GCC2: variants seen among roughly 807,000 people sequenced by gnomAD.
The protein encoded by GCC2 is GRIP and coiled-coil domain containing 2, also known as GRIP and coiled-coil domain-containing protein 2.
In GCC2, 120 loss-of-function variants were observed where a neutral mutation model predicts 210.6. That is an observed-to-expected ratio of 0.57 (90% CI 0.49 to 0.66). The LOEUF (loss-of-function observed/expected upper bound fraction) is 0.66, where lower values mean the gene tolerates loss of function less well. Among genes scored for constraint, GCC2 ranks in the 30% least tolerant of loss-of-function variants. The pLI is 0.00. For missense variants in GCC2, 1,868 were observed against 1,871.9 expected, an observed-to-expected ratio of 1.00 and a Z score of 0.04; for synonymous variants, 703 against 652.7, an observed-to-expected ratio of 1.08 and a Z score of -1.17.
chr2:108,483,878 G>A (rs562077241), intron 12 of GCC2, among the ~76,000 whole-genome samples: 7 of 152,104 alleles, frequency 4.6e-5, no homozygotes, highest in Non-Finnish European at 7.4e-5. Flanking sequence ...TAAGAGCTCC[G>A]CAAGCTACAG....
In GCC2 at chr2:108,495,255, C is replaced by A. The variant is rs574892435; in HGVS notation, c.4448-36C>A. On this transcript the variant is annotated intron_variant, in intron 19 of 22. Transcript: ENST00000309863. ...TAAGGCCAAATCAATAGATTTTGAACAATCTCACACTTAACCTTTTAAAAA... is the reference window on the plus strand; with the variant it reads ...TAAGGCCAAATCAATAGATTTTGAAAAATCTCACACTTAACCTTTTAAAAA... 364 of 1,360,508 alleles carry A rather than the reference C, an allele frequency of 2.7e-4. 4 individuals carry two copies. In the South Asian group the frequency reaches 3.9e-3, roughly 15 times the overall value. The allele number at this position is 1,360,508 out of a possible 1,614,324, so 84.3% of individuals were successfully genotyped here. A position where few individuals can be genotyped will look rare whatever the true frequency, so the allele number is the denominator to read the frequency against.
chr2:108,493,877 C>T lies in GCC2; in HGVS notation c.4447+1087C>T, dbSNP rs181132250. ...GAATAAGCAGTCAGCTTACCAGAAA[C>T]CCAGGAAAAAGCTTCAAAAAGGGCA... On this transcript the variant is annotated intron_variant, in intron 19 of 22. Coordinates refer to ENST00000309863, the MANE Select transcript of GCC2 (RefSeq NM_181453.4). 6.1e-6 allele frequency: 6 copies of T among 985,158 alleles called. No homozygotes were observed. The Admixed American group carries it at 1.8e-4, about 30-fold the overall frequency. 61.0% of individuals were successfully genotyped at this position (985,158 alleles called of 1,614,324 possible). A position where few individuals can be genotyped will look rare whatever the true frequency, so the allele number is the denominator to read the frequency against.
At chr2:108,478,566 G>A (rs1322160838) in intron 9 of GCC2, among the ~76,000 whole-genome samples, 1 of 152,198 alleles carries the variant, frequency 6.6e-6, no homozygotes, top group Non-Finnish European at 1.5e-5. Flanking sequence ...TTATTCAGAT[G>A]TTTAGAAGCG....
At chr2:108,480,288 G>C (rs1341305444) in intron 9 of GCC2, among the ~76,000 whole-genome samples, 3 of 152,080 alleles carry the variant, frequency 2.0e-5, no homozygotes, top group Non-Finnish European at 4.4e-5. Flanking sequence ...CAGAGAAAAA[G>C]GAACACTTAC....
rs550647621 is a variant in GCC2, at chr2:108,489,947, A to G, written c.4162A>G (p.Thr1388Ala). 64 of 1,612,514 alleles carry G rather than the reference A, an allele frequency of 4.0e-5. No individual in the cohort carries two copies. In the South Asian group the frequency reaches 6.6e-4, roughly 17 times the overall value. Reference sequence around the variant, plus strand: ...TCAAACATTGCAGTCTGAACATGATACACTGCTAGAAAGGCACAACAAGAT... The same window carrying G: ...TCAAACATTGCAGTCTGAACATGATGCACTGCTAGAAAGGCACAACAAGAT... ...ELQTLQSEHD[T>A]LLERHNKMLQ... is the part of the protein sequence containing the mutation. The change falls in exon 18 of 23, where the codon ACA becomes GCA. Residue 1388 changes from threonine (T) to alanine (A), a missense_variant. Transcript: ENST00000309863.
chr2:108,480,918 TA>T (rs1228189746), intron 9 of GCC2, among the ~76,000 whole-genome samples: 1 of 152,176 alleles, frequency 6.6e-6, no homozygotes, highest in Non-Finnish European at 1.5e-5. Context: ...AAAAATTTTT[TA>T]AAAACACCAT....
At position 108,485,689 on chromosome 2, in the gene GCC2, C is replaced by A; in HGVS notation, c.3667C>A (p.Gln1223Lys). 6.3e-7 allele frequency: 1 copy of A among 1,597,520 alleles called. No homozygotes were observed. Among genetic ancestry groups the A allele is most frequent in the Non-Finnish European group, 8.5e-7 (1 of 1,173,174 alleles). ...QYEEKNTKIK[Q>K]LLVKTKKELA... ...TGAAGAAAAAAACACCAAAATCAAG[C>A]AATTGCTTGTGAAAACCAAAAAGGA... is the stretch of plus-strand genomic sequence containing the variant. Residue 1223 changes from glutamine (Q) to lysine (K), a missense_variant, in exon 14 of 23, where the codon CAA becomes AAA. Transcript: ENST00000309863.
Position 108,492,690 on chromosome 2 carries a change from T to C in GCC2, c.4347T>C (p.His1449=), listed in dbSNP as rs1682465647. The change falls in exon 19 of 23, where the codon CAT becomes CAC. Residue 1449 remains histidine, a synonymous_variant. Transcript: ENST00000309863. ...ATAGCTTCCGAGATCAAGTGCGACA[T>C]TTGCAGGAAGAACACAGAAAGACAG... ...LRNSFRDQVR[H]LQEEHRKTVE... The C allele has an allele frequency of 6.2e-7, 1 of 1,613,956 alleles. No individual in the cohort carries two copies. The highest frequency in any genetic ancestry group is 1.3e-5 in the African/African-American group (1 of 75,028).
At chr2:108,493,914 G>C (rs1451682125) in intron 19 of GCC2, 11 of 985,214 alleles carry the variant, frequency 1.1e-5, no homozygotes, top group Non-Finnish European at 1.3e-5. Context: ...TCAGGACTAA[G>C]GCAACTTAAT....
rs1478987582 is a variant in GCC2, at chr2:108,508,736, G to C, written c.*1106G>C. 1.3e-5 allele frequency: 2 copies of C among 152,540 alleles called. No individual in the cohort carries two copies. Among genetic ancestry groups the C allele is most frequent in the Admixed American group, 1.3e-4 (2 of 15,250 alleles). The allele number at this position is 152,540 out of a possible 1,614,324, so 9.4% of individuals were successfully genotyped here. A position where few individuals can be genotyped will look rare whatever the true frequency, so the allele number is the denominator to read the frequency against. On this transcript the variant is annotated 3_prime_UTR_variant, in exon 23 of 23. Coordinates refer to ENST00000309863, the MANE Select transcript of GCC2 (RefSeq NM_181453.4). Reference sequence around the variant, plus strand: ...GTCACAGTTCCTCCGAATAACCTTAGGTGGTAGTGTTACTTGCCTTTGACA... The same window carrying C: ...GTCACAGTTCCTCCGAATAACCTTACGTGGTAGTGTTACTTGCCTTTGACA...
chr2:108,486,044 A>G, intron 15 of GCC2, 136 bp downstream of exon 15: 1 of 568,316 alleles, frequency 1.8e-6, no homozygotes. Context: ...ACAACAATAA[A>G]TCAAGTCTGG....
intron 4 of GCC2, among the ~76,000 whole-genome samples, chr2:108,455,089 C>T (rs1680184596): frequency 6.6e-6 from 1 of 151,990 alleles, no homozygotes; most frequent in Non-Finnish European, 1.5e-5. Context: ...CTGCTGTTTC[C>T]TCCTTATCAC....
chr2:108,480,623 C>T (rs1681802615), intron 9 of GCC2, among the ~76,000 whole-genome samples: 1 of 152,084 alleles, frequency 6.6e-6, no homozygotes, highest in South Asian at 2.1e-4. Flanking sequence ...AGCTGGAAGC[C>T]ACTATCCTTA....
At chr2:108,499,135 G>C (rs995442286) in intron 21 of GCC2, among the ~76,000 whole-genome samples, 1 of 143,408 alleles carries the variant, frequency 7.0e-6, no homozygotes, top group African/African-American at 2.6e-5. Context: ...CTCTTCATCT[G>C]TTTCTCGTGA....
At chr2:108,469,453 A>G (rs912603489) in intron 5 of GCC2, 198 bp from the exon 6 acceptor site, 6 of 501,798 alleles carry the variant, frequency 1.2e-5, no homozygotes, top group South Asian at 1.0e-4. Flanking sequence ...TAGATTTAAT[A>G]TTGTAGATAT....
At chr2:108,485,276 C>T (rs1050859557) in intron 13 of GCC2, among the ~76,000 whole-genome samples, 1 of 149,422 alleles carries the variant, frequency 6.7e-6, no homozygotes, top group Non-Finnish European at 1.5e-5. Context: ...ACATATGTAA[C>T]TAACCTGCAC....
At chr2:108,459,380 A>G (rs554347751) in intron 4 of GCC2, among the ~76,000 whole-genome samples, 1 of 152,302 alleles carries the variant, frequency 6.6e-6, no homozygotes, top group Non-Finnish European at 1.5e-5. Flanking sequence ...ATTTGTTGAA[A>G]ATGATTTTGT....
chr2:108,501,481 C>T lies in GCC2; in HGVS notation c.4984+1727C>T, dbSNP rs141075922. ...AGTTGGGTGGGATGGTGGACAAAAA[C>T]ACATCATAGATGGTATTGTGTGCTT... is the stretch of plus-strand genomic sequence containing the variant. On this transcript the variant is annotated intron_variant, in intron 22 of 22. Coordinates refer to ENST00000309863, the MANE Select transcript of GCC2 (RefSeq NM_181453.4). 7.3e-3 allele frequency among the ~76,000 whole-genome samples: 1,117 copies of T among 152,098 alleles called. 6 individuals are homozygous for T. Among genetic ancestry groups the T allele is most frequent in the South Asian group, 0.019 (91 of 4,808 alleles).
chr2:108,485,926 T>C lies in GCC2; in HGVS notation c.3792+18T>C, dbSNP rs777578825. The C allele has an allele frequency of 2.2e-6, 3 of 1,387,972 alleles. No homozygotes were observed. Among genetic ancestry groups the C allele is most frequent in the Non-Finnish European group, 3.0e-6 (3 of 1,007,550 alleles). The allele number at this position is 1,387,972 out of a possible 1,614,324, so 86.0% of individuals were successfully genotyped here. ...TCTATAAAGTAAGGGTTTTACTTTT[T>C]AAGATTAAAAAAATGTTTTTTCATG... On this transcript the variant is annotated intron_variant, in intron 15 of 22. Coordinates refer to ENST00000309863, the MANE Select transcript of GCC2 (RefSeq NM_181453.4).
Sources: gnomAD v4.1 joint callset for allele counts (sites outside exome capture counted in the v4.1 genomes callset) on GRCh38, gnomAD v4.1.1 for gene constraint, MANE v1.5 for transcripts, NCBI Gene and HGNC (gene_info 2026-07-23, HGNC 2026-07-21) for gene names.